Variants in LPIN1 observed in about 807,000 individuals in gnomAD.
The protein encoded by LPIN1 is phosphatidate phosphatase LPIN1.
Under a neutral mutation model 107.5 loss-of-function variants are expected in LPIN1, and 71 were observed. That is an observed-to-expected ratio of 0.66 (90% confidence interval 0.55 to 0.80). LPIN1 has a LOEUF of 0.80. LPIN1 is among the 30% of genes least tolerant of loss of function. The probability of loss-of-function intolerance (pLI) is 0.00; values close to 1 mark genes in which losing one functional copy is unlikely to be tolerated. For missense variants in LPIN1, 1,043 were observed against 1,160.6 expected, an observed-to-expected ratio of 0.90 and a Z score of 1.47; for synonymous variants, 445 against 452.6, an observed-to-expected ratio of 0.98 and a Z score of 0.21.
chr2:11,709,645 G>C (rs1333374550), intron 1 of LPIN1, among the ~76,000 whole-genome samples: 1 of 152,222 alleles, frequency 6.6e-6, no homozygotes, highest in Non-Finnish European at 1.5e-5. Flanking sequence ...TCCTGGAAAA[G>C]CTGACTTTGG....
chr2:11,782,394 T>TGGA lies in LPIN1; in HGVS notation c.1153_1155dup (p.Glu385dup). ...ATGCAGTTTGTGAATGAAGAAGACC[T>TGGA]GGAGACCTTAGGAGCAGCAGCGCCA... On this transcript the variant is annotated inframe_insertion, in exon 8 of 21. Coordinates refer to ENST00000674199, the MANE Select transcript of LPIN1 (RefSeq NM_001349206.2). The TGGA allele has an allele frequency of 6.2e-7, 1 of 1,614,224 alleles. No homozygotes were observed. Among genetic ancestry groups the TGGA allele is most frequent in the Non-Finnish European group, 8.5e-7 (1 of 1,180,042 alleles).
chr2:11,784,837 T>C, intron 9 of LPIN1, 49 bp from the exon 10 acceptor site: 1 of 1,591,512 alleles, frequency 6.3e-7, no homozygotes, highest in Non-Finnish European at 8.6e-7. Context: ...TGTAGGACCC[T>C]GAACTGGGAC....
Position 11,785,156 on chromosome 2 carries a change from G to T in LPIN1, c.1549+80G>T. 2.7e-6 allele frequency: 3 copies of T among 1,100,424 alleles called. No individual in the cohort carries two copies. In the South Asian group the frequency reaches 5.0e-5, roughly 18 times the overall value. The allele number at this position is 1,100,424 out of a possible 1,614,324, so 68.2% of individuals were successfully genotyped here. A position where few individuals can be genotyped will look rare whatever the true frequency, so the allele number is the denominator to read the frequency against. ...AGGCTTAGGCTTCTCCAAGGAGTGCGTGTCAAGGCAGCTTTTCCCTTGGTT... is the reference window on the plus strand; with the variant it reads ...AGGCTTAGGCTTCTCCAAGGAGTGCTTGTCAAGGCAGCTTTTCCCTTGGTT... On this transcript the variant is annotated intron_variant, in intron 10 of 20. Coordinates refer to ENST00000674199, the MANE Select transcript of LPIN1 (RefSeq NM_001349206.2).
Position 11,774,965 on chromosome 2 carries a change from TAA to T in LPIN1, c.723-1106_723-1105del, listed in dbSNP as rs1171247173. 2.3e-4 allele frequency among the ~76,000 whole-genome samples: 27 copies of T among 119,772 alleles called. No individual in the cohort carries two copies. The highest frequency in any genetic ancestry group is 2.0e-4 in the Non-Finnish European group (11 of 54,162). 78.6% of individuals were successfully genotyped at this position (119,772 alleles called of 152,430 possible). A position where few individuals can be genotyped will look rare whatever the true frequency, so the allele number is the denominator to read the frequency against. ...TTCCAGTAGCCCTATTTTTAAAAAG[TAA>T]AAAAAAAAAAAAAAGATGAAATTAA... On this transcript the variant is annotated intron_variant, in intron 5 of 20. Coordinates refer to ENST00000674199, the MANE Select transcript of LPIN1 (RefSeq NM_001349206.2). This position sits in a 1 kb window ranked among gnomAD's most constrained non-coding sequence, Gnocchi z 4.4.
chr2:11,800,839 G>A (rs1677590229), intron 14 of LPIN1, among the ~76,000 whole-genome samples: 1 of 152,148 alleles, frequency 6.6e-6, no homozygotes, highest in African/African-American at 2.4e-5. Context: ...GGGATGATTG[G>A]TTTCTCTGCT....
intron 1 of LPIN1, among the ~76,000 whole-genome samples, 179 bp downstream of exon 1, chr2:11,746,850 G>T (rs1219215436): frequency 6.6e-6 from 1 of 152,092 alleles, no homozygotes. Context: ...AAGTGGTTCG[G>T]GGGAGGGAGG....
At position 11,776,124 on chromosome 2, in the gene LPIN1, C is replaced by CA. The variant is rs1306459789; in HGVS notation, c.762dup (p.Val255SerfsTer9). On this transcript the variant is annotated frameshift_variant, in exon 6 of 21. Transcript: ENST00000674199. LOFTEE classifies it high-confidence loss of function. ...TGCAAAAGGACTGCCCCTCATCTTG[C>CA]AGTTGCGGCCGAGGGAGGTCTGTCT... The CA allele has an allele frequency of 6.5e-7, 1 of 1,548,384 alleles. No individual in the cohort carries two copies. The highest frequency in any genetic ancestry group is 1.4e-5 in the African/African-American group (1 of 72,952).
intron 9 of LPIN1, chr2:11,784,640 T>A (rs557462728): frequency 6.9e-6 from 4 of 576,118 alleles, no homozygotes; most frequent in Non-Finnish European, 1.2e-5. Flanking sequence ...ACAGCTTGCT[T>A]CTTCTTCAGT....
intron 7 of LPIN1, among the ~76,000 whole-genome samples, chr2:11,780,241 A>G (rs1317462629): frequency 6.6e-6 from 1 of 152,174 alleles, no homozygotes; most frequent in East Asian, 1.9e-4. Flanking sequence ...CAACTTACAC[A>G]CAATCTTGCT....
intron 5 of LPIN1, 89 bp from the exon 6 acceptor site, chr2:11,775,997 A>G (rs1008635880): frequency 6.6e-6 from 3 of 454,258 alleles, no homozygotes; most frequent in African/African-American, 6.0e-5. Flanking sequence ...TATATAAAGT[A>G]TATTACATAT....
intron 17 of LPIN1, among the ~76,000 whole-genome samples, chr2:11,806,942 C>T (rs1678797889): frequency 6.6e-6 from 1 of 151,904 alleles, no homozygotes; most frequent in Non-Finnish European, 1.5e-5. Context: ...TAATATTTAC[C>T]TTACTCTTTT....
intron 14 of LPIN1, among the ~76,000 whole-genome samples, chr2:11,796,244 A>G (rs1401954352): frequency 2.0e-5 from 3 of 152,206 alleles, no homozygotes; most frequent in African/African-American, 4.8e-5. Context: ...TCATTTTTGT[A>G]TCTTGGAGGC....
At chr2:11,755,540 GCTA>G (rs893337867) in intron 1 of LPIN1, among the ~76,000 whole-genome samples, 4 of 152,156 alleles carry the variant, frequency 2.6e-5, no homozygotes, top group African/African-American at 9.7e-5. Context: ...TATTGATCAA[GCTA>G]CTGCCCTGGA....
intron 1 of LPIN1, among the ~76,000 whole-genome samples, chr2:11,698,302 GA>G (rs144572502): frequency 6.6e-6 from 1 of 152,328 alleles, no homozygotes; most frequent in East Asian, 1.9e-4. Flanking sequence ...TGCTTTGGGA[GA>G]AGGCACTGGA....
At chr2:11,731,233 C>T (rs879174816) in intron 1 of LPIN1, among the ~76,000 whole-genome samples, 1 of 152,110 alleles carries the variant, frequency 6.6e-6, no homozygotes, top group African/African-American at 2.4e-5. Flanking sequence ...CCCTTGTCCC[C>T]CACCCCCTGA....
intron 1 of LPIN1, among the ~76,000 whole-genome samples, chr2:11,699,623 C>T (rs781204797): frequency 7.9e-5 from 12 of 152,104 alleles, no homozygotes; most frequent in East Asian, 1.9e-4. Context: ...TCTTGGGTAT[C>T]GGTTGACTGT....
rs1676477742 is a variant in LPIN1, at chr2:11,795,351, G to C, written c.1807-57G>C. The stretch of plus-strand genomic sequence containing the variant: ...GGAAGCCCATGGGAAAACACCGGCT[G>C]TCTGCAAGCCCCTTCTCTGTGGTAC... On this transcript the variant is annotated intron_variant, in intron 13 of 20. Coordinates refer to ENST00000674199, the MANE Select transcript of LPIN1 (RefSeq NM_001349206.2). 3.5e-6 allele frequency: 5 copies of C among 1,440,572 alleles called. No homozygotes were observed. In the South Asian group the frequency reaches 4.6e-5, roughly 13 times the overall value. The allele number at this position is 1,440,572 out of a possible 1,614,324, so 89.2% of individuals were successfully genotyped here. A position where few individuals can be genotyped will look rare whatever the true frequency, so the allele number is the denominator to read the frequency against.
chr2:11,712,788 A>AG (rs1169807528), intron 1 of LPIN1, among the ~76,000 whole-genome samples: 2 of 152,218 alleles, frequency 1.3e-5, no homozygotes, highest in African/African-American at 4.8e-5. Flanking sequence ...TTTTAGGCCT[A>AG]GGACAATACA....
At chr2:11,784,845 G>A (rs1183369115) in intron 9 of LPIN1, 41 bp from the exon 10 acceptor site, 2 of 1,603,472 alleles carry the variant, frequency 1.2e-6, no homozygotes, top group East Asian at 2.2e-5. Context: ...CCTGAACTGG[G>A]ACAGTCCTCA....
Sources: allele counts gnomAD v4.1 joint callset (sites outside exome capture counted in the v4.1 genomes callset), GRCh38; gene constraint gnomAD v4.1.1; non-coding constraint Gnocchi (gnomAD v3.1); transcripts MANE v1.5; gene names NCBI Gene and HGNC (gene_info 2026-07-23, HGNC 2026-07-21).